PDE1A: variants seen among roughly 807,000 people sequenced by gnomAD.
PDE1A encodes the protein dual specificity calcium/calmodulin-dependent 3',5'-cyclic nucleotide phosphodiesterase 1A.
In PDE1A, 35 loss-of-function variants were observed where a neutral mutation model predicts 61.7. That is an observed-to-expected ratio of 0.57 (90% CI 0.43 to 0.75). PDE1A has a LOEUF of 0.75. Ranked by LOEUF, PDE1A falls within the 30% of genes least tolerant of loss-of-function variation. The probability of loss-of-function intolerance (pLI) is 0.00; values close to 1 mark genes in which losing one functional copy is unlikely to be tolerated. For missense variants in PDE1A, 597 were observed against 630.6 expected, an observed-to-expected ratio of 0.95 and a Z score of 0.57; for synonymous variants, 232 against 213.2, an observed-to-expected ratio of 1.09 and a Z score of -0.77.
At chr2:182,519,143 T>C (rs1219530015) in intron 2 of PDE1A, among the ~76,000 whole-genome samples, 1 of 152,104 alleles carries the variant, frequency 6.6e-6, no homozygotes, top group Non-Finnish European at 1.5e-5. Flanking sequence ...AGCTATGTTT[T>C]CTTAGTATGT....
intron 2 of PDE1A, among the ~76,000 whole-genome samples, chr2:182,248,252 CA>C (rs1197993496): frequency 0.057 from 4,477 of 77,920 alleles, 203 homozygotes; most frequent in African/African-American, 0.18. Context: ...GCAAGACTGT[CA>C]AAAAAAAAAA....
At chr2:182,633,143 G>C in the PDE1A span, among the ~76,000 whole-genome samples, 1 of 152,192 alleles carries the variant, frequency 6.6e-6, no homozygotes, top group African/African-American at 2.4e-5. Context: ...ATTTAGGATG[G>C]AGATGTCAGT....
chr2:182,143,584 C>T (rs1317601486), downstream of PDE1A, among the ~76,000 whole-genome samples: 2 of 152,038 alleles, frequency 1.3e-5, no homozygotes, highest in Admixed American at 1.3e-4. Flanking sequence ...GGCGCCATCT[C>T]GGCTCACTGC....
At chr2:182,189,787 C>T (rs968656962) in intron 10 of PDE1A, among the ~76,000 whole-genome samples, 1 of 152,172 alleles carries the variant, frequency 6.6e-6, no homozygotes, top group African/African-American at 2.4e-5. Flanking sequence ...GGTCAAACCT[C>T]TAATATCACA....
At chr2:182,693,716 GGCTCACTGCA>G in the PDE1A span, among the ~76,000 whole-genome samples, 6 of 148,958 alleles carry the variant, frequency 4.0e-5, no homozygotes, top group African/African-American at 1.5e-4. Context: ...GCGCAAACTC[GGCTCACTGCA>G]GCCTCCACCT....
chr2:182,334,999 C>T (rs191185204), intron 1 of PDE1A, among the ~76,000 whole-genome samples: 7 of 152,190 alleles, frequency 4.6e-5, no homozygotes, highest in Admixed American at 3.9e-4. Flanking sequence ...AACAGAGAGC[C>T]AAATCATGAG....
chr2:182,515,863 T>G (rs1690097670), intron 2 of PDE1A, among the ~76,000 whole-genome samples: 1 of 152,026 alleles, frequency 6.6e-6, no homozygotes, highest in Non-Finnish European at 1.5e-5. Context: ...GTACAGTGAG[T>G]TAATGGCTAA....
At chr2:182,428,478 TACATAG>T (rs1295369045), upstream of PDE1A, among the ~76,000 whole-genome samples, 1 of 152,130 alleles carries the variant, frequency 6.6e-6, no homozygotes, top group East Asian at 1.9e-4. Context: ...ATATAGATAT[TACATAG>T]TTATGTAGTG....
At chr2:182,213,777 C>G (rs1687890325) in intron 7 of PDE1A, among the ~76,000 whole-genome samples, 1 of 67,670 alleles carries the variant, frequency 1.5e-5, no homozygotes, top group Non-Finnish European at 3.1e-5. Context: ...GTGAAAAGAC[C>G]AAATCTACGT....
chr2:182,185,807 A>T, intron 13 of PDE1A, 85 bp downstream of exon 13: 1 of 1,591,576 alleles, frequency 6.3e-7, no homozygotes, highest in Non-Finnish European at 8.5e-7. Flanking sequence ...CTATAGAAGA[A>T]GAAATCTAGA....
At chr2:182,415,135 T>C (rs1702838596) in intron 1 of PDE1A, among the ~76,000 whole-genome samples, 1 of 152,136 alleles carries the variant, frequency 6.6e-6, no homozygotes, top group Non-Finnish European at 1.5e-5. Context: ...ATAAAATATA[T>C]TGCCTTCAAT....
chr2:182,182,788 T>A (rs1045465657), intron 13 of PDE1A, among the ~76,000 whole-genome samples: 1 of 151,886 alleles, frequency 6.6e-6, no homozygotes, highest in African/African-American at 2.4e-5. Context: ...GTTTTAAAAA[T>A]TTGTTAACAC....
intron 10 of PDE1A, 150 bp downstream of exon 10, chr2:182,201,289 C>T: frequency 1.2e-6 from 1 of 846,412 alleles, no homozygotes; most frequent in Non-Finnish European, 1.9e-6. Flanking sequence ...TTCTGATAGA[C>T]TAATAAATTT....
intron 7 of PDE1A, among the ~76,000 whole-genome samples, chr2:182,219,315 C>T (rs997588188): frequency 2.0e-5 from 3 of 151,982 alleles, no homozygotes; most frequent in Non-Finnish European, 2.9e-5. Context: ...AATTGGTATA[C>T]TTCAAGTTGC....
intron 2 of PDE1A, among the ~76,000 whole-genome samples, chr2:182,473,839 A>G (rs1687189037): frequency 6.6e-6 from 1 of 152,018 alleles, no homozygotes; most frequent in Non-Finnish European, 1.5e-5. Context: ...TCATGGGTGT[A>G]TAATATTCCA....
chr2:182,180,561 T>C (rs1438599405), intron 13 of PDE1A, among the ~76,000 whole-genome samples: 1 of 152,152 alleles, frequency 6.6e-6, no homozygotes, highest in Non-Finnish European at 1.5e-5. Context: ...AAATTACGTG[T>C]CCTGGCGTTG....
intron 7 of PDE1A, among the ~76,000 whole-genome samples, chr2:182,210,393 C>A (rs1687481883): frequency 6.6e-6 from 1 of 152,110 alleles, no homozygotes; most frequent in South Asian, 2.1e-4. Flanking sequence ...ATTTGGATTT[C>A]TCTGATGACA....
At chr2:182,358,699 A>G (rs1474087507) in intron 1 of PDE1A, among the ~76,000 whole-genome samples, 1 of 152,190 alleles carries the variant, frequency 6.6e-6, no homozygotes, top group Non-Finnish European at 1.5e-5. Context: ...ACTAAGCGAC[A>G]GGCAGGATCC....
At chr2:182,496,080 ATTTGT>A (rs1688696329) in intron 2 of PDE1A, among the ~76,000 whole-genome samples, 1 of 152,202 alleles carries the variant, frequency 6.6e-6, no homozygotes, top group African/African-American at 2.4e-5. Flanking sequence ...ATTAATAGGA[ATTTGT>A]TTTATCTACC....
Sources: allele counts gnomAD v4.1 joint callset (sites outside exome capture counted in the v4.1 genomes callset), GRCh38; gene constraint gnomAD v4.1.1; transcripts MANE v1.5; gene names NCBI Gene and HGNC (gene_info 2026-07-23, HGNC 2026-07-21).